The following CARMIL1 variants were observed in gnomAD, a reference collection of about 807,000 sequenced individuals.
CARMIL1 encodes the protein F-actin-uncapping protein LRRC16A.
CARMIL1 carries 90 observed loss-of-function variants against 177.1 expected under a neutral mutation model. That is an observed-to-expected ratio of 0.51 (90% CI 0.43 to 0.61). CARMIL1 has a LOEUF of 0.61. CARMIL1 is among the 20% of genes least tolerant of loss of function. The pLI is 0.00. For synonymous variants in CARMIL1, 577 were observed against 606.2 expected (o/e 0.95, Z 0.71); for missense variants, 1,380 against 1,667.0 (o/e 0.83, Z 3.00).
intron 36 of CARMIL1, among the ~76,000 whole-genome samples, chr6:25,616,658 A>G (rs1190385483): frequency 1.3e-5 from 2 of 152,242 alleles, no homozygotes; most frequent in African/African-American, 4.8e-5. Flanking sequence ...AACAGACGTA[A>G]TTCTATTTAG....
chr6:25,524,377 TAAGA>T (rs1362154543), intron 23 of CARMIL1, among the ~76,000 whole-genome samples: 1 of 152,148 alleles, frequency 6.6e-6, no homozygotes, highest in Non-Finnish European at 1.5e-5. Flanking sequence ...AGATTGTAAT[TAAGA>T]AAGAGTTTCT....
chr6:25,488,192 G>T (rs1302139947), intron 12 of CARMIL1, among the ~76,000 whole-genome samples: 3 of 152,122 alleles, frequency 2.0e-5, no homozygotes, highest in South Asian at 2.1e-4. Context: ...TCATTCTAAG[G>T]CTTCAGATTA....
chr6:25,468,536 A>T (rs1482763025), intron 9 of CARMIL1, among the ~76,000 whole-genome samples: 1 of 152,260 alleles, frequency 6.6e-6, no homozygotes, highest in Non-Finnish European at 1.5e-5. Context: ...TCCAGTTTTT[A>T]AAAAATTTCC....
chr6:25,421,204 T>C (rs896885296), intron 3 of CARMIL1, among the ~76,000 whole-genome samples: 2 of 152,190 alleles, frequency 1.3e-5, no homozygotes, highest in African/African-American at 4.8e-5. Flanking sequence ...GATGAGTGAT[T>C]AGAAAATAGC....
chr6:25,439,731 T>A (rs139326165), intron 5 of CARMIL1, among the ~76,000 whole-genome samples: 1 of 152,274 alleles, frequency 6.6e-6, no homozygotes, highest in African/African-American at 2.4e-5. Flanking sequence ...AAAATGGATG[T>A]GGCATATGTG....
intron 2 of CARMIL1, among the ~76,000 whole-genome samples, chr6:25,353,038 A>G (rs1345509566): frequency 2.6e-5 from 4 of 152,112 alleles, no homozygotes; most frequent in East Asian, 1.9e-4. Context: ...CTCAGCTGCT[A>G]TCTTTTGGCC....
intron 1 of CARMIL1, among the ~76,000 whole-genome samples, chr6:25,281,515 T>C (rs1781116831): frequency 6.6e-6 from 1 of 152,138 alleles, no homozygotes; most frequent in South Asian, 2.1e-4. Flanking sequence ...TGGGTTTCTA[T>C]TCATGGTTCT....
At chr6:25,358,682 A>G (rs1319718949) in intron 2 of CARMIL1, among the ~76,000 whole-genome samples, 1 of 152,196 alleles carries the variant, frequency 6.6e-6, no homozygotes, top group African/African-American at 2.4e-5. Flanking sequence ...CCCATACTCT[A>G]TGATAGGGCA....
chr6:25,498,896 A>G (rs190951545), intron 16 of CARMIL1, among the ~76,000 whole-genome samples: 9 of 152,238 alleles, frequency 5.9e-5, no homozygotes, highest in Non-Finnish European at 1.3e-4. Context: ...CACAGATGAG[A>G]TATACCCAGT....
intron 1 of CARMIL1, among the ~76,000 whole-genome samples, chr6:25,282,385 T>A (rs2744275): frequency 0.05 from 7,543 of 152,200 alleles, 579 homozygotes; most frequent in African/African-American, 0.16. Context: ...GAAGAACTCA[T>A]AGTGCAGTGA....
chr6:25,414,664 G>A (rs1341709301), intron 2 of CARMIL1, among the ~76,000 whole-genome samples: 2 of 152,160 alleles, frequency 1.3e-5, no homozygotes, highest in East Asian at 3.8e-4. Context: ...TGTAACAGTA[G>A]TATTTGTAAT....
At chr6:25,505,330 A>T (rs1804805316) in intron 17 of CARMIL1, among the ~76,000 whole-genome samples, 1 of 152,190 alleles carries the variant, frequency 6.6e-6, no homozygotes, top group Admixed American at 6.5e-5. Flanking sequence ...TGTGTGTTCC[A>T]TTGCCCTGTA....
At chr6:25,380,055 A>G (rs929694021) in intron 2 of CARMIL1, among the ~76,000 whole-genome samples, 2 of 151,926 alleles carry the variant, frequency 1.3e-5, no homozygotes, top group Non-Finnish European at 2.9e-5. Flanking sequence ...TTAGGTGGCA[A>G]GAAAGGATTT....
chr6:25,533,777 C>G (rs777188310), intron 24 of CARMIL1, among the ~76,000 whole-genome samples: 1 of 152,092 alleles, frequency 6.6e-6, no homozygotes, highest in African/African-American at 2.4e-5. Context: ...TTAACTCTCT[C>G]ATTTGTAGAT....
chr6:25,327,704 G>T (rs560649089), intron 2 of CARMIL1, among the ~76,000 whole-genome samples: 4 of 152,126 alleles, frequency 2.6e-5, no homozygotes, highest in African/African-American at 9.6e-5. Context: ...AAAATTCCTG[G>T]CAACTAGCAT....
At chr6:25,376,221 C>G (rs114290615) in intron 2 of CARMIL1, among the ~76,000 whole-genome samples, 1 of 152,118 alleles carries the variant, frequency 6.6e-6, no homozygotes, top group Non-Finnish European at 1.5e-5. Flanking sequence ...GCTGGGCTTA[C>G]GGTGCCCACC....
At chr6:25,421,528 A>G (rs953483919) in intron 3 of CARMIL1, among the ~76,000 whole-genome samples, 4 of 152,180 alleles carry the variant, frequency 2.6e-5, no homozygotes, top group African/African-American at 9.7e-5. Flanking sequence ...TACTGGGTAT[A>G]TACCCAAAGG....
chr6:25,553,180 G>T (rs1810281888), intron 27 of CARMIL1, among the ~76,000 whole-genome samples: 1 of 152,026 alleles, frequency 6.6e-6, no homozygotes, highest in African/African-American at 2.4e-5. Context: ...TAGCTTATGC[G>T]ACAATATTGG....
At position 25,449,955 on chromosome 6, in the gene CARMIL1, G is replaced by A. The variant is rs548908432; in HGVS notation, c.429G>A (p.Ala143=). 185 of 1,611,874 alleles carry A rather than the reference G, an allele frequency of 1.1e-4. 1 individual carries two copies. Among genetic ancestry groups the A allele is most frequent in the Admixed American group, 9.2e-4 (55 of 59,738 alleles). ...CTGAGCGCCTGGCTAGTCTCCAGGCGCTGTGGGACAGCCAGACCGTGGCTG... is the reference window on the plus strand; with the variant it reads ...CTGAGCGCCTGGCTAGTCTCCAGGCACTGTGGGACAGCCAGACCGTGGCTG... The part of the protein sequence containing the change: ...EPSERLASLQ[A]LWDSQTVAEQ... The change falls in exon 6 of 37, where the codon GCG becomes GCA. Residue 143 remains alanine, a synonymous_variant. Transcript: ENST00000329474.
Sources: allele counts gnomAD v4.1 joint callset (sites outside exome capture counted in the v4.1 genomes callset), GRCh38; gene constraint gnomAD v4.1.1; transcripts MANE v1.5; gene names NCBI Gene and HGNC (gene_info 2026-07-23, HGNC 2026-07-21).